The following CEP83 variants were observed in gnomAD, a reference collection of about 807,000 sequenced individuals.
The protein encoded by CEP83 is centrosomal protein of 83 kDa.
Under a neutral mutation model 101.9 loss-of-function variants are expected in CEP83, and 70 were observed. The ratio of observed to expected loss-of-function variants is 0.69; its 90% confidence interval spans 0.57 to 0.84. The LOEUF (loss-of-function observed/expected upper bound fraction) is 0.84. Ranked by LOEUF, CEP83 falls within the 40% of genes least tolerant of loss-of-function variation. The pLI, the probability that CEP83 is intolerant of heterozygous loss-of-function variation, is 0.00. For synonymous variants in CEP83, 264 were observed against 267.9 expected, an observed-to-expected ratio of 0.99 and a Z score of 0.14; for missense variants, 715 against 787.2, an observed-to-expected ratio of 0.91 and a Z score of 1.10.
At chr12:94,351,943 A>G (rs750685285) in intron 11 of CEP83, among the ~76,000 whole-genome samples, 4 of 152,240 alleles carry the variant, frequency 2.6e-5, no homozygotes, top group Non-Finnish European at 5.9e-5. Flanking sequence ...GCTGACACGA[A>G]TTACAGCCAA....
At chr12:94,408,471 G>C (rs914138130) in intron 4 of CEP83, among the ~76,000 whole-genome samples, 1 of 152,062 alleles carries the variant, frequency 6.6e-6, no homozygotes, top group Non-Finnish European at 1.5e-5. Flanking sequence ...AGTAATTTCC[G>C]TTTTATTAGA....
At chr12:94,265,825 CTTCT>C in the CEP83 span, among the ~76,000 whole-genome samples, 4,679 of 152,204 alleles carry the variant, frequency 0.031, 135 homozygotes, top group African/African-American at 0.078. Context: ...CGCTTGAGAA[CTTCT>C]TTCTAATTCA....
At chr12:94,450,507 TC>T (rs1205679027) in intron 1 of CEP83, among the ~76,000 whole-genome samples, 1 of 152,186 alleles carries the variant, frequency 6.6e-6, no homozygotes, top group Non-Finnish European at 1.5e-5. Flanking sequence ...CTGCCTTGGA[TC>T]CCAAAGTGCT....
intron 7 of CEP83, among the ~76,000 whole-genome samples, chr12:94,377,974 T>C (rs572465240): frequency 2.4e-4 from 36 of 151,850 alleles, no homozygotes; most frequent in African/African-American, 7.2e-4. Context: ...CATACCATTG[T>C]ACTCCTGTAC....
chr12:94,330,588 T>C (rs1333908549), intron 14 of CEP83, among the ~76,000 whole-genome samples: 2 of 152,230 alleles, frequency 1.3e-5, no homozygotes, highest in South Asian at 2.1e-4. Flanking sequence ...CCTGTGGCAG[T>C]TTCAGAAACC....
rs2068006384 is a variant in CEP83, at chr12:94,459,750, C to G, written c.-348G>C. 1 of 152,678 alleles carries G rather than the reference C, an allele frequency of 6.5e-6. No individual in the cohort carries two copies. The highest frequency in any genetic ancestry group is 1.5e-5 in the Non-Finnish European group (1 of 68,298). The allele number at this position is 152,678 out of a possible 1,614,324, so 9.5% of individuals were successfully genotyped here. ...GCCCAGCGAGAGGAAGAGGGCCGAA[C>G]GGACCCCTCGGGCTCCCGTCCCTAG... On this transcript the variant is annotated 5_prime_UTR_variant, in exon 1 of 17. Transcript: ENST00000397809.
Position 94,322,928 on chromosome 12 carries a change from T to C in CEP83, c.1707+8772A>G, listed in dbSNP as rs554353880. ...CCCTGGTCGGGAGGTCCCCCACCCA[T>C]TGAAAAGCAGGGTCTGGGACCTGCA... On this transcript the variant is annotated intron_variant, in intron 14 of 16. Transcript: ENST00000397809. 2.1e-3 allele frequency among the ~76,000 whole-genome samples: 326 copies of C among 152,260 alleles called. 1 individual carries two copies. Among genetic ancestry groups the C allele is most frequent in the African/African-American group, 7.0e-3 (291 of 41,536 alleles).
intron 11 of CEP83, among the ~76,000 whole-genome samples, chr12:94,360,148 G>A (rs1180989819): frequency 6.6e-6 from 1 of 151,978 alleles, no homozygotes; most frequent in African/African-American, 2.4e-5. Flanking sequence ...TACCATATAT[G>A]ACAAAACCAC....
At chr12:94,282,462 T>C in the CEP83 span, 3 of 1,130,070 alleles carry the variant, frequency 2.7e-6, no homozygotes, top group Admixed American at 1.9e-5. Flanking sequence ...CCCATGGACA[T>C]TCTTTTAAAA....
the CEP83 span, chr12:94,297,491 C>T: frequency 9.3e-7 from 1 of 1,074,942 alleles, no homozygotes; most frequent in Non-Finnish European, 1.4e-6. Context: ...GACTTAATTT[C>T]CACTGAAGTG....
rs146863141 is a variant in CEP83 at position 94,319,964 on chromosome 12, T to C, written c.1708-6947A>G. Among the ~76,000 whole-genome samples, 291 of 152,334 alleles carry C rather than the reference T, an allele frequency of 1.9e-3. 2 individuals carry two copies. The highest frequency in any genetic ancestry group is 3.5e-3 in the Non-Finnish European group (239 of 68,022). On this transcript the variant is annotated intron_variant, in intron 14 of 16. Coordinates refer to ENST00000397809, the MANE Select transcript of CEP83 (RefSeq NM_016122.3). ...TCAGTGGAATGTGGAAGTCTCCCAC[T>C]GTTATTGTGTGGGAGTATAAATCTC...
intron 6 of CEP83, among the ~76,000 whole-genome samples, chr12:94,380,714 T>C (rs1490392556): frequency 6.6e-6 from 1 of 152,152 alleles, no homozygotes; most frequent in Non-Finnish European, 1.5e-5. Context: ...CTTTACTGAG[T>C]ACTTACTATG....
intron 6 of CEP83, among the ~76,000 whole-genome samples, chr12:94,389,664 G>A (rs1436337334): frequency 1.3e-5 from 2 of 152,174 alleles, no homozygotes; most frequent in Non-Finnish European, 2.9e-5. Flanking sequence ...AGCAGGGCGG[G>A]GCATCACCTC....
chr12:94,399,592 G>A (rs902715585), intron 6 of CEP83, among the ~76,000 whole-genome samples: 1 of 152,092 alleles, frequency 6.6e-6, no homozygotes, highest in African/African-American at 2.4e-5. Context: ...TATTAGCCAG[G>A]TGAGGTAGTA....
At chr12:94,273,008 C>T in the CEP83 span, among the ~76,000 whole-genome samples, 1 of 152,124 alleles carries the variant, frequency 6.6e-6, no homozygotes, top group African/African-American at 2.4e-5. Context: ...AGAGTCAGGA[C>T]ACGTCCTAGT....
chr12:94,287,265 G>A, the CEP83 span, among the ~76,000 whole-genome samples: 4 of 152,120 alleles, frequency 2.6e-5, no homozygotes, highest in Admixed American at 1.3e-4. Flanking sequence ...AAACCCTCCC[G>A]GTGCGCTTCC....
intron 14 of CEP83, among the ~76,000 whole-genome samples, chr12:94,322,946 G>T (rs915279891): frequency 2.6e-5 from 4 of 152,200 alleles, no homozygotes; most frequent in Non-Finnish European, 5.9e-5. Context: ...CAGGGTCTGG[G>T]ACCTGCATAA....
upstream of CEP83, chr12:94,460,301 C>A: frequency 6.5e-6 from 1 of 152,946 alleles, no homozygotes; most frequent in Non-Finnish European, 1.5e-5. Context: ...TCGCGCCTCT[C>A]CTTCCCTCTT....
chr12:94,353,823 CTG>C (rs1216896368), intron 11 of CEP83, among the ~76,000 whole-genome samples: 1 of 148,496 alleles, frequency 6.7e-6, no homozygotes. Context: ...AAGTCAAAAA[CTG>C]TGAAAAGTTT....
Sources: gnomAD v4.1 joint callset for allele counts (sites outside exome capture counted in the v4.1 genomes callset) on GRCh38, gnomAD v4.1.1 for gene constraint, MANE v1.5 for transcripts, NCBI Gene and HGNC (gene_info 2026-07-23, HGNC 2026-07-21) for gene names.